The following ASTN1 variants were observed in gnomAD, a reference collection of about 807,000 sequenced individuals.
ASTN1 encodes the protein astrotactin 1.
ASTN1 carries 41 observed loss-of-function variants against 140.7 expected under a neutral mutation model. The observed-to-expected ratio is 0.29, with a 90% CI of 0.23 to 0.38. The LOEUF is 0.38. Ranked by LOEUF, ASTN1 falls within the 10% of genes least tolerant of loss-of-function variation. ASTN1 has a pLI of 1.00. For missense variants in ASTN1, 1,479 were observed against 1,678.8 expected, an observed-to-expected ratio of 0.88 and a Z score of 2.08; for synonymous variants, 640 against 652.2, an observed-to-expected ratio of 0.98 and a Z score of 0.29.
chr1:176,870,308 G>A (rs182229051), intron 21 of ASTN1, among the ~76,000 whole-genome samples: 1 of 152,342 alleles, frequency 6.6e-6, no homozygotes, highest in Admixed American at 6.5e-5. Context: ...GTGACCATCT[G>A]TTAGCTCGCA....
intron 7 of ASTN1, among the ~76,000 whole-genome samples, chr1:177,019,864 T>C (rs1466826820): frequency 6.6e-6 from 1 of 152,160 alleles, no homozygotes; most frequent in Non-Finnish European, 1.5e-5. Flanking sequence ...TTTCTTTCTA[T>C]TTTTGTATTG....
At chr1:176,924,187 C>G (rs1021549763) in intron 16 of ASTN1, among the ~76,000 whole-genome samples, 2 of 152,134 alleles carry the variant, frequency 1.3e-5, no homozygotes, top group African/African-American at 4.8e-5. Flanking sequence ...GGGATCTAGG[C>G]TTCTCTTTTT....
At chr1:177,041,213 C>T (rs547887328) in intron 2 of ASTN1, among the ~76,000 whole-genome samples, 1 of 152,274 alleles carries the variant, frequency 6.6e-6, no homozygotes, top group South Asian at 2.1e-4. Context: ...AGGAATCAGG[C>T]TACCTGGGGA....
At chr1:176,936,152 G>C in intron 15 of ASTN1, 114 bp downstream of exon 15, 2 of 868,730 alleles carry the variant, frequency 2.3e-6, no homozygotes, top group Non-Finnish European at 3.8e-6. Flanking sequence ...CACATCTCAT[G>C]CAATAGCTAC....
chr1:177,083,164 T>C (rs1415091207), intron 1 of ASTN1, among the ~76,000 whole-genome samples: 1 of 152,158 alleles, frequency 6.6e-6, no homozygotes, highest in African/African-American at 2.4e-5. Flanking sequence ...TCATTTTATA[T>C]CTGGAGAAAT....
At chr1:177,109,486 G>A (rs1231939313) in intron 1 of ASTN1, among the ~76,000 whole-genome samples, 1 of 152,046 alleles carries the variant, frequency 6.6e-6, no homozygotes, top group South Asian at 2.1e-4. Context: ...TATCTCAAGA[G>A]ACAGACATTC....
At chr1:177,096,678 C>A (rs764976614) in intron 1 of ASTN1, among the ~76,000 whole-genome samples, 3 of 152,084 alleles carry the variant, frequency 2.0e-5, no homozygotes, top group Non-Finnish European at 2.9e-5. Flanking sequence ...TTGTAAAGGG[C>A]AGTTCCCCTG....
chr1:177,116,638 GC>G (rs1681105821), intron 1 of ASTN1, among the ~76,000 whole-genome samples: 1 of 151,978 alleles, frequency 6.6e-6, no homozygotes, highest in South Asian at 2.1e-4. Flanking sequence ...TTCCTGTAAT[GC>G]CTTCTGCCTC....
rs561099210 is a variant in ASTN1, at chr1:176,895,457, T to C, written c.2672-627A>G. Among the ~76,000 whole-genome samples, 237 of 152,292 alleles carry C rather than the reference T, an allele frequency of 1.6e-3. 2 individuals are homozygous for C. The highest frequency in any genetic ancestry group is 0.01 in the Middle Eastern group (3 of 294). On this transcript the variant is annotated intron_variant, in intron 16 of 22. Coordinates refer to ENST00000361833, the MANE Select transcript of ASTN1 (RefSeq NM_004319.3). ...GCTTCAAGGTCCCACAGCTAGTAGA[T>C]TGTGAGAGCTGGGATTTGAATCCAC...
intron 10 of ASTN1, 63 bp downstream of exon 10, chr1:176,958,282 C>A (rs1478737459): frequency 6.2e-7 from 1 of 1,607,704 alleles, no homozygotes; most frequent in East Asian, 2.2e-5. Context: ...CTAAAACCTA[C>A]AGGTAGTTTC....
chr1:176,996,448 C>T (rs979962568), intron 8 of ASTN1, among the ~76,000 whole-genome samples: 2 of 152,070 alleles, frequency 1.3e-5, no homozygotes, highest in African/African-American at 4.8e-5. Context: ...CATCCCATGG[C>T]GCCTTAGATT....
chr1:176,928,145 A>G (rs867566740), intron 16 of ASTN1, among the ~76,000 whole-genome samples: 4 of 151,824 alleles, frequency 2.6e-5, no homozygotes, highest in Middle Eastern at 3.4e-3. Flanking sequence ...ATAATTTTAC[A>G]GAAAGACTAG....
At chr1:176,904,310 C>G in intron 16 of ASTN1, among the ~76,000 whole-genome samples, 1 of 137,982 alleles carries the variant, frequency 7.2e-6, no homozygotes, top group South Asian at 2.3e-4. Context: ...CCGGCTCCAT[C>G]GGCGTCCTGC....
chr1:177,162,026 A>C (rs941918174), intron 1 of ASTN1, among the ~76,000 whole-genome samples: 1 of 152,092 alleles, frequency 6.6e-6, no homozygotes, highest in Non-Finnish European at 1.5e-5. Flanking sequence ...CAACTCAATA[A>C]ATTTCCAGAA....
intron 1 of ASTN1, among the ~76,000 whole-genome samples, chr1:177,141,484 C>T (rs1682469205): frequency 6.6e-6 from 1 of 152,060 alleles, no homozygotes; most frequent in Non-Finnish European, 1.5e-5. Flanking sequence ...AAAAACTGAT[C>T]TGGCAGCACT....
chr1:177,138,498 C>G (rs752655854), intron 1 of ASTN1, among the ~76,000 whole-genome samples: 2 of 152,136 alleles, frequency 1.3e-5, no homozygotes, highest in Non-Finnish European at 2.9e-5. Flanking sequence ...AAAGGGAAAG[C>G]ACAGAAAGGA....
chr1:176,959,442 C>T (rs961051210), intron 9 of ASTN1, among the ~76,000 whole-genome samples: 3 of 152,092 alleles, frequency 2.0e-5, no homozygotes, highest in Non-Finnish European at 4.4e-5. Context: ...CCTTTCTCTT[C>T]CCATACACAA....
chr1:176,989,146 G>A (rs1012788552), intron 8 of ASTN1, among the ~76,000 whole-genome samples: 3 of 152,294 alleles, frequency 2.0e-5, no homozygotes, highest in South Asian at 4.1e-4. Context: ...TGGATTCGGG[G>A]AAGTAAAGTA....
chr1:177,084,910 T>C (rs892238115), intron 1 of ASTN1, among the ~76,000 whole-genome samples: 1 of 152,170 alleles, frequency 6.6e-6, no homozygotes, highest in African/African-American at 2.4e-5. Context: ...CTGACATCTG[T>C]TTCTGCCTCA....
Sources: allele counts gnomAD v4.1 joint callset (sites outside exome capture counted in the v4.1 genomes callset), GRCh38; gene constraint gnomAD v4.1.1; transcripts MANE v1.5; gene names NCBI Gene and HGNC (gene_info 2026-07-23, HGNC 2026-07-21).